The following DLG2 variants were observed in gnomAD, a reference collection of about 807,000 sequenced individuals.
DLG2 encodes the protein discs large MAGUK scaffold protein 2.
DLG2 carries 45 observed loss-of-function variants against 132.5 expected under a neutral mutation model. That is an observed-to-expected ratio of 0.34 (90% CI 0.27 to 0.44). The LOEUF (loss-of-function observed/expected upper bound fraction) is 0.44, where lower values mean the gene tolerates loss of function less well. Among genes scored for constraint, DLG2 ranks in the 20% least tolerant of loss-of-function variants. DLG2 has a pLI of 1.00. For missense variants in DLG2, 1,045 were observed against 1,196.9 expected (o/e 0.87, Z 1.87); for synonymous variants, 424 against 419.6 (o/e 1.01, Z -0.13).
intron 6 of DLG2, among the ~76,000 whole-genome samples, chr11:85,012,483 C>T (rs1217404679): frequency 1.3e-5 from 2 of 151,556 alleles, no homozygotes; most frequent in African/African-American, 4.9e-5. Flanking sequence ...GAGATCGCGC[C>T]ATTGCACTAC....
chr11:84,891,047 G>C (rs1364591830), intron 6 of DLG2: 1 of 152,128 alleles, frequency 6.6e-6, no homozygotes, highest in Non-Finnish European at 1.5e-5. Context: ...CCTCACCCGG[G>C]TTCCCAGAAA....
intron 6 of DLG2, among the ~76,000 whole-genome samples, chr11:85,099,858 A>G (rs887404007): frequency 1.3e-5 from 2 of 152,180 alleles, no homozygotes; most frequent in Non-Finnish European, 2.9e-5. Flanking sequence ...CCTACTTTGT[A>G]TCTAGAAAAA....
chr11:83,923,816 C>T (rs1374742579), intron 15 of DLG2, among the ~76,000 whole-genome samples: 1 of 152,124 alleles, frequency 6.6e-6, no homozygotes, highest in African/African-American at 2.4e-5. Flanking sequence ...TTTTCCCACA[C>T]AGGTGGCAGA....
chr11:84,522,011 TA>T (rs112485561), intron 7 of DLG2, among the ~76,000 whole-genome samples: 7,831 of 151,864 alleles, frequency 0.052, 227 homozygotes, highest in South Asian at 0.079. Context: ...CTACTAAAAA[TA>T]CAAAAATGAG....
intron 7 of DLG2, among the ~76,000 whole-genome samples, chr11:84,377,670 C>T (rs370591702): frequency 4.0e-4 from 61 of 152,136 alleles, no homozygotes; most frequent in African/African-American, 1.5e-3. Flanking sequence ...TACATTACAT[C>T]GTATCTACTA....
chr11:84,558,392 T>C (rs568865776), intron 6 of DLG2, among the ~76,000 whole-genome samples: 7 of 152,314 alleles, frequency 4.6e-5, no homozygotes, highest in African/African-American at 1.7e-4. Flanking sequence ...TGAATTCTTA[T>C]GGGTATAGCA....
chr11:84,834,411 C>A (rs1454144324), intron 6 of DLG2, among the ~76,000 whole-genome samples: 1 of 151,556 alleles, frequency 6.6e-6, no homozygotes, highest in African/African-American at 2.4e-5. Context: ...CATCTCTTTT[C>A]TATCCTCTTC....
chr11:83,839,230 C>G (rs1043763159), intron 16 of DLG2, among the ~76,000 whole-genome samples: 1 of 152,054 alleles, frequency 6.6e-6, no homozygotes, highest in African/African-American at 2.4e-5. Context: ...ATTTTTGAAA[C>G]TCAGAAGATT....
chr11:85,248,051 C>T (rs1440323447), intron 4 of DLG2, among the ~76,000 whole-genome samples: 3 of 152,062 alleles, frequency 2.0e-5, no homozygotes, highest in Non-Finnish European at 2.9e-5. Flanking sequence ...CCCTGTCATT[C>T]CATCCTAGAA....
chr11:83,735,386 C>T (rs547112022), intron 18 of DLG2, among the ~76,000 whole-genome samples: 60 of 152,326 alleles, frequency 3.9e-4, no homozygotes, highest in Non-Finnish European at 7.8e-4. Context: ...GAGGTGGAAT[C>T]CTCCCAGTTT....
At chr11:85,510,852 C>A (rs1201573555) in intron 3 of DLG2, among the ~76,000 whole-genome samples, 4 of 152,124 alleles carry the variant, frequency 2.6e-5, no homozygotes, top group Admixed American at 6.5e-5. Flanking sequence ...TACCATTTGA[C>A]CCAGCCATCC....
intron 4 of DLG2, among the ~76,000 whole-genome samples, chr11:85,195,841 A>T (rs1286826189): frequency 6.6e-6 from 1 of 152,156 alleles, no homozygotes; most frequent in Non-Finnish European, 1.5e-5. Flanking sequence ...TGTTTTAAAT[A>T]ATCTGCTATC....
At chr11:83,882,421 G>A (rs1301709626) in intron 15 of DLG2, among the ~76,000 whole-genome samples, 2 of 151,724 alleles carry the variant, frequency 1.3e-5, no homozygotes, top group East Asian at 3.9e-4. Flanking sequence ...GGGACAAACA[G>A]ATGGATATAA....
At chr11:85,049,060 T>G (rs532453833) in intron 6 of DLG2, among the ~76,000 whole-genome samples, 33 of 152,176 alleles carry the variant, frequency 2.2e-4, no homozygotes, top group Non-Finnish European at 4.6e-4. Flanking sequence ...TATACATTCG[T>G]CATTCTCTAT....
intron 10 of DLG2, among the ~76,000 whole-genome samples, chr11:84,093,254 T>C (rs984770729): frequency 6.6e-6 from 1 of 152,150 alleles, no homozygotes; most frequent in South Asian, 2.1e-4. Context: ...TCCGAGCTCA[T>C]GTGGTTGTGT....
chr11:85,424,004 T>C (rs1278563586), intron 3 of DLG2, among the ~76,000 whole-genome samples: 2 of 152,140 alleles, frequency 1.3e-5, no homozygotes, highest in South Asian at 4.1e-4. Flanking sequence ...CCCATGGCCA[T>C]TTCCCCATGG....
At chr11:83,529,233 C>T (rs1225628280) in intron 21 of DLG2, among the ~76,000 whole-genome samples, 1 of 152,098 alleles carries the variant, frequency 6.6e-6, no homozygotes, top group Non-Finnish European at 1.5e-5. Context: ...GAGAATGAGG[C>T]CCCTGCATCA....
At position 85,390,945 on chromosome 11, in the gene DLG2, C is replaced by T. The variant is rs573380088; in HGVS notation, c.41-105580G>A. ...AGAAAATAAATAACCAAGATCAGAG[C>T]AGAACTAAATGAAATTGAAACAAAA... On this transcript the variant is annotated intron_variant, in intron 3 of 27. Coordinates refer to ENST00000376104, the MANE Select transcript of DLG2 (RefSeq NM_001142699.3). Among the ~76,000 whole-genome samples the T allele has an allele frequency of 5.9e-5, 9 of 151,766 alleles. No homozygotes were observed. In the East Asian group the frequency reaches 9.7e-4, roughly 16 times the overall value.
At chr11:84,483,373 G>A (rs1324016760) in intron 7 of DLG2, among the ~76,000 whole-genome samples, 1 of 146,160 alleles carries the variant, frequency 6.8e-6, no homozygotes, top group African/African-American at 2.6e-5. Flanking sequence ...TGGGGTTGCA[G>A]TGAGCCTGGA....
Sources: allele counts gnomAD v4.1 joint callset (sites outside exome capture counted in the v4.1 genomes callset), GRCh38; gene constraint gnomAD v4.1.1; transcripts MANE v1.5; gene names NCBI Gene and HGNC (gene_info 2026-07-23, HGNC 2026-07-21).